PATJ: variants seen among roughly 807,000 people sequenced by gnomAD.
The protein encoded by PATJ is inaD-like protein.
PATJ carries 190 observed loss-of-function variants against 224.9 expected under a neutral mutation model. The observed-to-expected ratio is 0.84, with a 90% confidence interval of 0.75 to 0.95. The LOEUF (loss-of-function observed/expected upper bound fraction) is 0.95. PATJ is among the 40% of genes least tolerant of loss of function. PATJ has a pLI of 0.00. For synonymous variants in PATJ, 769 were observed against 820.3 expected (o/e 0.94, Z 1.07); for missense variants, 2,121 against 2,270.3 (o/e 0.93, Z 1.34).
At chr1:62,048,467 A>C (rs1470778989) in intron 30 of PATJ, among the ~76,000 whole-genome samples, 3 of 149,064 alleles carry the variant, frequency 2.0e-5, no homozygotes, top group African/African-American at 7.4e-5. Context: ...AGTCGCTTGA[A>C]CCCAGGAGGC....
chr1:62,162,872 G>A lies in PATJ; in HGVS notation c.*1818G>A. 3.2e-6 allele frequency: 1 copy of A among 311,588 alleles called. No homozygotes were observed. The highest frequency in any genetic ancestry group is 6.3e-6 in the Non-Finnish European group (1 of 157,952). 19.3% of individuals were successfully genotyped at this position (311,588 alleles called of 1,614,324 possible). ...TGAAGCAGGAAAATTGCTTGAACCT[G>A]GGAGGTGGAGGTTGCAGTGAGCCAA... On this transcript the variant is annotated 3_prime_UTR_variant, in exon 44 of 44. Transcript: ENST00000642238.
chr1:62,015,240 G>T (rs1646705177), intron 28 of PATJ, among the ~76,000 whole-genome samples: 1 of 151,786 alleles, frequency 6.6e-6, no homozygotes, highest in Admixed American at 6.6e-5. Flanking sequence ...GGAGGCGGAG[G>T]TTGCAGTGAG....
In PATJ at chr1:62,137,117, C is replaced by T. The variant is rs79703043; in HGVS notation, c.5271+8172C>T. Among the ~76,000 whole-genome samples the T allele has an allele frequency of 2.6e-3, 403 of 152,168 alleles. 3 individuals carry two copies. Among genetic ancestry groups the T allele is most frequent in the African/African-American group, 9.3e-3 (385 of 41,530 alleles). On this transcript the variant is annotated intron_variant, in intron 41 of 43. Transcript: ENST00000642238. ...CAGTAAAGACCTCTACTTTATTACT[C>T]ATTTCGAAAGCTTAATAAATACACA... is the stretch of plus-strand genomic sequence containing the variant.
chr1:61,911,695 T>TATATATA (rs1672666028), intron 25 of PATJ, among the ~76,000 whole-genome samples: 31 of 140,602 alleles, frequency 2.2e-4, no homozygotes, highest in African/African-American at 5.2e-4. Context: ...CTATATATTT[T>TATATATA]TATATATATA....
chr1:62,084,298 A>T (rs1329869324), intron 32 of PATJ, among the ~76,000 whole-genome samples: 1 of 152,074 alleles, frequency 6.6e-6, no homozygotes, highest in Non-Finnish European at 1.5e-5. Flanking sequence ...TTCAAGTAAA[A>T]TTGATGGGTT....
chr1:61,752,793 C>T (rs929787158), intron 1 of PATJ, among the ~76,000 whole-genome samples: 3 of 152,152 alleles, frequency 2.0e-5, no homozygotes, highest in African/African-American at 7.2e-5. Context: ...CATATATCTG[C>T]AAACTGTCAG....
chr1:62,119,012 A>G (rs1196410358), intron 37 of PATJ, among the ~76,000 whole-genome samples: 1 of 152,094 alleles, frequency 6.6e-6, no homozygotes, highest in East Asian at 1.9e-4. Context: ...TCAAAAAAAA[A>G]AAAAACCTAT....
rs142078245 is a variant in PATJ, at chr1:62,124,494, C to T, written c.5043+1436C>T. On this transcript the variant is annotated intron_variant, in intron 39 of 43. Transcript: ENST00000642238. The stretch of plus-strand genomic sequence containing the variant: ...TGCAGTAAAGTGATATCCAGCATAA[C>T]TTACTTCTCTAGATTTAATGATACC... Among the ~76,000 whole-genome samples the T allele has an allele frequency of 6.6e-5, 10 of 152,270 alleles. No homozygotes were observed. In the East Asian group the frequency reaches 1.7e-3, roughly 26 times the overall value.
At chr1:61,826,417 ATGCT>A (rs3838407) in intron 15 of PATJ, among the ~76,000 whole-genome samples, 123,123 of 151,622 alleles carry the variant, frequency 0.81, 50,306 homozygotes, top group East Asian at 0.89. Flanking sequence ...AAAACAAATA[ATGCT>A]TGCTTCTAAA....
chr1:61,781,742 C>A (rs1647380693), intron 7 of PATJ, among the ~76,000 whole-genome samples: 1 of 152,174 alleles, frequency 6.6e-6, no homozygotes, highest in African/African-American at 2.4e-5. Flanking sequence ...GATTTGATGA[C>A]TTGCTAGGAG....
chr1:62,108,708 T>A (rs1663427429), intron 34 of PATJ, among the ~76,000 whole-genome samples, 188 bp downstream of exon 34: 3 of 152,190 alleles, frequency 2.0e-5, no homozygotes, highest in Admixed American at 1.3e-4. Flanking sequence ...AGGTTATCAA[T>A]CTACATTTGT....
At chr1:62,074,643 T>C (rs1216912926) in intron 31 of PATJ, among the ~76,000 whole-genome samples, 1 of 152,162 alleles carries the variant, frequency 6.6e-6, no homozygotes, top group Non-Finnish European at 1.5e-5. Context: ...TTGAATGTGT[T>C]TGCAAATACA....
intron 6 of PATJ, among the ~76,000 whole-genome samples, chr1:61,774,748 C>G (rs1341058937): frequency 6.6e-6 from 1 of 152,134 alleles, no homozygotes; most frequent in Admixed American, 6.6e-5. Flanking sequence ...TTAAATGCCC[C>G]TTTTCCTTGA....
chr1:61,750,482 C>T (rs1201453889), intron 1 of PATJ, among the ~76,000 whole-genome samples: 1 of 138,776 alleles, frequency 7.2e-6, no homozygotes, highest in African/African-American at 2.7e-5. Flanking sequence ...TTTGCCCAGG[C>T]TGGAGTGCAA....
chr1:61,993,243 C>T (rs1287880390), intron 28 of PATJ, among the ~76,000 whole-genome samples: 1 of 152,040 alleles, frequency 6.6e-6, no homozygotes, highest in Non-Finnish European at 1.5e-5. Flanking sequence ...TATATTTAGT[C>T]ATAAAGGAAG....
chr1:61,766,376 A>G lies in PATJ; in HGVS notation c.287A>G (p.His96Arg). 2 of 1,611,950 alleles carry G rather than the reference A, an allele frequency of 1.2e-6. No homozygotes were observed. Among genetic ancestry groups the G allele is most frequent in the Non-Finnish European group, 1.7e-6 (2 of 1,178,700 alleles). Residue 96 changes from histidine (H) to arginine (R), a missense_variant, in exon 4 of 44, where the codon CAC (histidine) becomes CGC (arginine). By Grantham distance (29) the His-to-Arg change is conservative. Transcript: ENST00000642238. ...GGTTCCATCACTAATGGAAATGTCC[A>G]CAGGCCCTCTAATAACTCGACTGTA... ...TDGSITNGNV[H>R]RPSNNSTVSG...
At chr1:61,892,467 C>T (rs1384086342) in intron 22 of PATJ, among the ~76,000 whole-genome samples, 2 of 152,106 alleles carry the variant, frequency 1.3e-5, no homozygotes, top group East Asian at 1.9e-4. Context: ...CCATTAATAT[C>T]CACTTGTTTG....
chr1:62,120,472 G>A lies in PATJ; in HGVS notation c.4891-709G>A, dbSNP rs1244620068. 3.9e-5 allele frequency among the ~76,000 whole-genome samples: 6 copies of A among 152,172 alleles called. No homozygotes were observed. In the East Asian group the frequency reaches 5.8e-4, roughly 15 times the overall value. ...AATATTCATTATTTGCAATGTTTTC[G>A]TCTACATAAGAAAGGCCCTTCACTA... On this transcript the variant is annotated intron_variant, in intron 37 of 43. Transcript: ENST00000642238.
chr1:62,149,804 ATTTTT>A (rs10557763), intron 42 of PATJ, among the ~76,000 whole-genome samples: 3 of 146,746 alleles, frequency 2.0e-5, no homozygotes, highest in Non-Finnish European at 4.5e-5. Flanking sequence ...TAACACTGGG[ATTTTT>A]TTTTTTTTTT....
Sources: gnomAD v4.1 joint callset for allele counts (sites outside exome capture counted in the v4.1 genomes callset) on GRCh38, gnomAD v4.1.1 for gene constraint, MANE v1.5 for transcripts, NCBI Gene and HGNC (gene_info 2026-07-23, HGNC 2026-07-21) for gene names.